The following IL1RAPL2 variants were observed in gnomAD, a reference collection of about 807,000 sequenced individuals.
IL1RAPL2 encodes the protein X-linked interleukin-1 receptor accessory protein-like 2.
Under a neutral mutation model 44.1 loss-of-function variants are expected in IL1RAPL2, and 3 were observed. The observed-to-expected ratio is 0.07, with a 90% CI of 0.03 to 0.18. The LOEUF (loss-of-function observed/expected upper bound fraction) is 0.18. Ranked by LOEUF, IL1RAPL2 falls within the 10% of genes least tolerant of loss-of-function variation. IL1RAPL2 has a pLI of 1.00. For synonymous variants in IL1RAPL2, 181 were observed against 178.8 expected (o/e 1.01, Z -0.10); for missense variants, 391 against 496.4 (o/e 0.79, Z 2.02).
chrX:104,633,259 A>AT (rs1489059007), intron 1 of IL1RAPL2, among the ~76,000 whole-genome samples: 2 of 110,984 alleles, frequency 1.8e-5, no homozygotes, highest in Non-Finnish European at 3.8e-5. Context: ...TTTATTGAGG[A>AT]TTTTTGCATC....
chrX:105,562,538 C>CACACACACACACACAT (rs2036946545), intron 6 of IL1RAPL2, among the ~76,000 whole-genome samples: 1 of 107,444 alleles, frequency 9.3e-6, no homozygotes, highest in African/African-American at 3.4e-5. Flanking sequence ...CACACACACA[C>CACACACACACACACAT]ACACACACAC....
intron 2 of IL1RAPL2, among the ~76,000 whole-genome samples, chrX:105,193,363 A>G (rs1286065379): frequency 1.8e-5 from 2 of 111,832 alleles, no homozygotes; most frequent in African/African-American, 3.3e-5. Context: ...CGTGGGGTTT[A>G]TTTTGTTTCT....
intron 6 of IL1RAPL2, among the ~76,000 whole-genome samples, chrX:105,589,892 T>C (rs2037156103): frequency 8.9e-6 from 1 of 111,915 alleles, no homozygotes; most frequent in South Asian, 3.7e-4. Context: ...TTTAGAATAC[T>C]TTTTTTCTGA....
At chrX:104,826,269 T>C (rs1385160408) in intron 2 of IL1RAPL2, among the ~76,000 whole-genome samples, 2 of 112,111 alleles carry the variant, frequency 1.8e-5, no homozygotes, top group Non-Finnish European at 3.8e-5. Flanking sequence ...AATTTTCCTC[T>C]AAACACTACT....
At chrX:105,651,982 G>A (rs752668477) in intron 6 of IL1RAPL2, among the ~76,000 whole-genome samples, 8 of 111,793 alleles carry the variant, frequency 7.2e-5, no homozygotes, top group Non-Finnish European at 1.1e-4. Flanking sequence ...GACCTTCACC[G>A]AGTATATGCC....
chrX:104,713,868 T>C (rs899784417), intron 2 of IL1RAPL2, among the ~76,000 whole-genome samples: 8 of 111,028 alleles, frequency 7.2e-5, no homozygotes, highest in African/African-American at 2.3e-4. Flanking sequence ...TGGTCAGAAT[T>C]AATTACCTGG....
intron 2 of IL1RAPL2, among the ~76,000 whole-genome samples, chrX:105,175,618 T>G (rs1408132106): frequency 9.0e-6 from 1 of 110,801 alleles, no homozygotes; most frequent in Non-Finnish European, 1.9e-5. Flanking sequence ...TTTTGCCATT[T>G]CCCAGAGTGG....
chrX:104,675,618 C>T (rs2147534804), intron 2 of IL1RAPL2, among the ~76,000 whole-genome samples: 1 of 111,033 alleles, frequency 9.0e-6, no homozygotes, highest in African/African-American at 3.3e-5. Flanking sequence ...ATTAGGTCCA[C>T]TTGGTGCAGA....
intron 4 of IL1RAPL2, among the ~76,000 whole-genome samples, chrX:105,246,273 T>G (rs1391620773): frequency 8.9e-6 from 1 of 112,181 alleles, no homozygotes; most frequent in Non-Finnish European, 1.9e-5. Flanking sequence ...CAAAACTAAA[T>G]AAGATCAGCT....
intron 5 of IL1RAPL2, among the ~76,000 whole-genome samples, chrX:105,367,340 A>G (rs545662056): frequency 9.0e-6 from 1 of 111,529 alleles, no homozygotes; most frequent in South Asian, 3.7e-4. Context: ...GTCCTTACCT[A>G]TCAATAATTA....
chrX:104,668,430 C>T (rs1930526010), intron 2 of IL1RAPL2, among the ~76,000 whole-genome samples: 1 of 103,651 alleles, frequency 9.6e-6, no homozygotes. Flanking sequence ...CACCCATTAA[C>T]TCGTCATTTA....
At chrX:105,484,465 A>G in intron 6 of IL1RAPL2, 78 bp downstream of exon 6, 1 of 659,157 alleles carries the variant, frequency 1.5e-6, no homozygotes, top group Non-Finnish European at 2.5e-6. Flanking sequence ...GAACCAGGAA[A>G]GGTTTATTGC....
rs565124559 is a variant in IL1RAPL2, at chrX:104,715,965, C to T, written c.82+56970C>T. Among the ~76,000 whole-genome samples, 4 of 111,233 alleles carry T rather than the reference C, an allele frequency of 3.6e-5. No homozygotes were observed. The South Asian group carries it at 1.5e-3, about 41-fold the overall frequency. ...AAATTCATATGGAATCAAAAAACAGCCTGAATAGCCAAGGTAATCCTAAGA... is the reference window on the plus strand; with the variant it reads ...AAATTCATATGGAATCAAAAAACAGTCTGAATAGCCAAGGTAATCCTAAGA... On this transcript the variant is annotated intron_variant, in intron 2 of 10. Transcript: ENST00000372582.
At chrX:104,666,321 T>G (rs1434321847) in intron 2 of IL1RAPL2, among the ~76,000 whole-genome samples, 5 of 112,258 alleles carry the variant, frequency 4.5e-5, no homozygotes, top group East Asian at 2.8e-4. Flanking sequence ...ACACTGGTTC[T>G]CTTTAAATGA....
chrX:105,672,107 CTG>C (rs1291937969), intron 6 of IL1RAPL2, among the ~76,000 whole-genome samples: 1 of 111,613 alleles, frequency 9.0e-6, no homozygotes, highest in African/African-American at 3.3e-5. Flanking sequence ...TTTATTATGA[CTG>C]TTTAAATAAT....
intron 1 of IL1RAPL2, among the ~76,000 whole-genome samples, chrX:104,612,150 T>C (rs1266926588): frequency 8.9e-6 from 1 of 112,122 alleles, no homozygotes; most frequent in Non-Finnish European, 1.9e-5. Context: ...CTGTTTATTC[T>C]GTTGATAGGT....
chrX:105,064,280 C>G (rs189118485), intron 2 of IL1RAPL2, among the ~76,000 whole-genome samples: 1 of 112,305 alleles, frequency 8.9e-6, no homozygotes, highest in East Asian at 2.8e-4. Context: ...TCCCACTTTT[C>G]TCTCCCCCTT....
intron 2 of IL1RAPL2, among the ~76,000 whole-genome samples, chrX:105,180,071 T>C (rs2033514753): frequency 9.0e-6 from 1 of 110,787 alleles, no homozygotes; most frequent in Non-Finnish European, 1.9e-5. Context: ...GCACAGTGGC[T>C]TACACCTGTA....
At chrX:104,896,079 G>A (rs995717991) in intron 2 of IL1RAPL2, among the ~76,000 whole-genome samples, 1 of 111,428 alleles carries the variant, frequency 9.0e-6, no homozygotes, top group African/African-American at 3.3e-5. Flanking sequence ...GATGCCACCC[G>A]ATGTTTACAG....
Sources: gnomAD v4.1 joint callset for allele counts (sites outside exome capture counted in the v4.1 genomes callset) on GRCh38, gnomAD v4.1.1 for gene constraint, MANE v1.5 for transcripts, NCBI Gene and HGNC (gene_info 2026-07-23, HGNC 2026-07-21) for gene names.